The following HSF2 variants were observed in gnomAD, a reference collection of about 807,000 sequenced individuals.
The protein encoded by HSF2 is heat shock factor protein 2.
A neutral mutation model predicts 65.0 loss-of-function variants in HSF2; 21 were observed. That is an observed-to-expected ratio of 0.32 (90% CI 0.23 to 0.47). The LOEUF (loss-of-function observed/expected upper bound fraction) is 0.47. Among genes scored for constraint, HSF2 ranks in the 20% least tolerant of loss-of-function variants. HSF2 has a pLI of 1.00. For missense variants in HSF2, 499 were observed against 628.1 expected, an observed-to-expected ratio of 0.79 and a Z score of 2.20; for synonymous variants, 225 against 219.1, an observed-to-expected ratio of 1.03 and a Z score of -0.24.
intron 1 of HSF2, among the ~76,000 whole-genome samples, chr6:122,411,703 G>T (rs1444781524): frequency 6.6e-6 from 1 of 151,738 alleles, no homozygotes; most frequent in African/African-American, 2.4e-5. Flanking sequence ...TTTATTGAAT[G>T]GTCTTGACAC....
chr6:122,427,580 GA>G (rs1210334690), intron 10 of HSF2, among the ~76,000 whole-genome samples: 7 of 151,330 alleles, frequency 4.6e-5, no homozygotes, highest in African/African-American at 9.7e-5. Flanking sequence ...GACATTTAGA[GA>G]AAAAAAATAA....
chr6:122,407,066 A>G (rs545355772), intron 1 of HSF2, among the ~76,000 whole-genome samples: 26 of 152,280 alleles, frequency 1.7e-4, no homozygotes, highest in Admixed American at 5.9e-4. Context: ...GAACCAAAAG[A>G]TGTATTATTC....
At chr6:122,411,213 TGACCATCTTTTTATTTGC>T in intron 1 of HSF2, among the ~76,000 whole-genome samples, 1 of 151,884 alleles carries the variant, frequency 6.6e-6, no homozygotes, top group Admixed American at 6.6e-5. Context: ...TTTGTGTTAC[TGACCATCTTTTTATTTGC>T]TTATTGGAAG....
At chr6:122,405,411 T>C (rs1773848271) in intron 1 of HSF2, among the ~76,000 whole-genome samples, 2 of 152,126 alleles carry the variant, frequency 1.3e-5, no homozygotes, top group African/African-American at 4.8e-5. Context: ...AGGGTAAGTT[T>C]AATAGAGTTA....
intron 5 of HSF2, among the ~76,000 whole-genome samples, chr6:122,417,163 TAA>T (rs1207566556): frequency 6.6e-6 from 1 of 151,730 alleles, no homozygotes; most frequent in Non-Finnish European, 1.5e-5. Flanking sequence ...TTTTTTTTTT[TAA>T]AGTGTGCAAG....
intron 1 of HSF2, among the ~76,000 whole-genome samples, chr6:122,401,163 G>C (rs9385245): frequency 0.15 from 22,157 of 152,102 alleles, 1,690 homozygotes; most frequent in East Asian, 0.26. Flanking sequence ...AGTTGAGTAG[G>C]GGGGCGTGAG....
At position 122,423,587 on chromosome 6, in the gene HSF2, G is replaced by A; in HGVS notation, c.1077G>A (p.Glu359=). 1 of 1,590,856 alleles carries A rather than the reference G, an allele frequency of 6.3e-7. No homozygotes were observed. Among genetic ancestry groups the A allele is most frequent in the Non-Finnish European group, 8.6e-7 (1 of 1,167,316 alleles). ...AAAATTTTTTTTTCCTTAGGGTTGA[G>A]CTGTTGGATTATCTTGACAGTATTG... ...NDNINLLGKV[E]LLDYLDSIDC... is the part of the protein sequence containing the mutation. Residue 359 remains glutamate (E), a synonymous_variant, in exon 10 of 13, where the codon GAG becomes GAA. Coordinates refer to ENST00000368455, the MANE Select transcript of HSF2 (RefSeq NM_004506.4).
intron 1 of HSF2, among the ~76,000 whole-genome samples, chr6:122,400,699 A>G (rs1582602419): frequency 6.6e-6 from 1 of 152,222 alleles, no homozygotes; most frequent in Admixed American, 6.5e-5. Flanking sequence ...ATCAGTCCCA[A>G]ATACAAGATT....
intron 4 of HSF2, among the ~76,000 whole-genome samples, chr6:122,414,196 C>T (rs1286352791): frequency 1.3e-5 from 2 of 152,138 alleles, no homozygotes; most frequent in Non-Finnish European, 2.9e-5. Flanking sequence ...AAAGATGCTT[C>T]GTTTTATTTT....
intron 10 of HSF2, among the ~76,000 whole-genome samples, chr6:122,426,956 T>C (rs1774351019): frequency 6.6e-6 from 1 of 152,092 alleles, no homozygotes; most frequent in Admixed American, 6.6e-5. Context: ...TTGATGCCGC[T>C]AGTATTATAC....
At chr6:122,407,154 G>C (rs1243693537) in intron 1 of HSF2, among the ~76,000 whole-genome samples, 2 of 152,158 alleles carry the variant, frequency 1.3e-5, no homozygotes, top group Admixed American at 6.5e-5. Flanking sequence ...AAAATCAAGG[G>C]AGTGAACCCA....
At chr6:122,412,228 TC>T in intron 1 of HSF2, 144 bp from the exon 2 acceptor site, 1 of 556,722 alleles carries the variant, frequency 1.8e-6, no homozygotes. Flanking sequence ...TGTTTCTTGT[TC>T]CTGTTGTCAA....
At chr6:122,410,150 A>G (rs1488339277) in intron 1 of HSF2, among the ~76,000 whole-genome samples, 4 of 151,888 alleles carry the variant, frequency 2.6e-5, no homozygotes, top group African/African-American at 9.7e-5. Context: ...TATTTTTACA[A>G]ATGAACTTAT....
chr6:122,429,861 C>G (rs1413532037), intron 11 of HSF2, among the ~76,000 whole-genome samples: 1 of 152,140 alleles, frequency 6.6e-6, no homozygotes, highest in African/African-American at 2.4e-5. Context: ...ATGAAGCCGA[C>G]TTGATGGTGA....
At chr6:122,402,944 C>T (rs574961824) in intron 1 of HSF2, among the ~76,000 whole-genome samples, 5 of 151,806 alleles carry the variant, frequency 3.3e-5, no homozygotes, top group African/African-American at 1.2e-4. Flanking sequence ...AGCATTTATA[C>T]TATGAAAATC....
At chr6:122,401,371 T>A (rs1321899926) in intron 1 of HSF2, among the ~76,000 whole-genome samples, 1 of 152,212 alleles carries the variant, frequency 6.6e-6, no homozygotes, top group Non-Finnish European at 1.5e-5. Context: ...GGACTGAGAT[T>A]CTCTCCCCAC....
At chr6:122,428,175 T>A (rs1774379379) in intron 11 of HSF2, among the ~76,000 whole-genome samples, 1 of 152,056 alleles carries the variant, frequency 6.6e-6, no homozygotes, top group South Asian at 2.1e-4. Context: ...ACTACCAGTA[T>A]GAAATTAACT....
intron 12 of HSF2, 147 bp from the exon 13 acceptor site, chr6:122,431,778 T>A (rs1025268696): frequency 3.0e-6 from 2 of 666,006 alleles, no homozygotes; most frequent in African/African-American, 3.6e-5. Flanking sequence ...ATTTTAAAAT[T>A]TATTGACATA....
chr6:122,404,497 T>C (rs962263950), intron 1 of HSF2, among the ~76,000 whole-genome samples: 1 of 152,316 alleles, frequency 6.6e-6, no homozygotes, highest in Admixed American at 6.5e-5. Flanking sequence ...AATTATAGAT[T>C]AGCAAGCCAC....
Sources: gnomAD v4.1 joint callset for allele counts (sites outside exome capture counted in the v4.1 genomes callset) on GRCh38, gnomAD v4.1.1 for gene constraint, MANE v1.5 for transcripts, NCBI Gene and HGNC (gene_info 2026-07-23, HGNC 2026-07-21) for gene names.